Variants in RBMS3 observed in about 807,000 individuals in gnomAD.
The protein encoded by RBMS3 is RNA binding motif single stranded interacting protein 3.
In RBMS3, 27 loss-of-function variants were observed where a neutral mutation model predicts 66.8. That is an observed-to-expected ratio of 0.40 (90% CI 0.30 to 0.56). The LOEUF is 0.56. Among genes scored for constraint, RBMS3 ranks in the 20% least tolerant of loss-of-function variants. The pLI is 0.40. For missense variants in RBMS3, 513 were observed against 549.5 expected (o/e 0.93, Z 0.66); for synonymous variants, 188 against 183.0 (o/e 1.03, Z -0.22).
chr3:29,864,283 C>G (rs1263679300), intron 6 of RBMS3, among the ~76,000 whole-genome samples: 1 of 152,076 alleles, frequency 6.6e-6, no homozygotes, highest in African/African-American at 2.4e-5. Flanking sequence ...AGCAAAGGAA[C>G]AGAGAGCATT....
chr3:29,596,931 A>G (rs185351882), intron 4 of RBMS3, among the ~76,000 whole-genome samples: 1 of 152,308 alleles, frequency 6.6e-6, no homozygotes, highest in East Asian at 1.9e-4. Context: ...TTGCACAGAA[A>G]TAGTCCTTTA....
intron 4 of RBMS3, among the ~76,000 whole-genome samples, chr3:29,709,027 A>G (rs1398720427): frequency 2.0e-5 from 3 of 151,958 alleles, no homozygotes; most frequent in Non-Finnish European, 4.4e-5. Flanking sequence ...ATTAAGGACC[A>G]CTCTAGCTCC....
In RBMS3 at chr3:29,991,167, C is replaced by T. The variant is rs1206869109; in HGVS notation, c.1265C>T (p.Thr422Ile). 1.2e-6 allele frequency: 2 copies of T among 1,614,018 alleles called. No homozygotes were observed. Among genetic ancestry groups the T allele is most frequent in the African/African-American group, 1.3e-5 (1 of 74,912 alleles). Residue 422 changes from threonine (T) to isoleucine (I), a missense_variant, in exon 14 of 15, where the codon ACA becomes ATA. Thr to Ile is a moderately conservative substitution (Grantham distance 89). Transcript: ENST00000383767. The part of the protein sequence containing the change: ...SGQQQQIAVD[T>I]SNEHAPAYSY... ...CAGCAGCAACAGATAGCAGTGGACA[C>T]ATCCAACGAACATGCACCTGCATAT... is the stretch of plus-strand genomic sequence containing the variant.
At chr3:29,383,831 G>T (rs1037159138) in intron 1 of RBMS3, among the ~76,000 whole-genome samples, 2 of 152,122 alleles carry the variant, frequency 1.3e-5, no homozygotes, top group Non-Finnish European at 2.9e-5. Context: ...AGTTTTCAGT[G>T]TCTTTAGCTG....
chr3:29,817,634 A>C (rs986929585), intron 6 of RBMS3, among the ~76,000 whole-genome samples: 4 of 152,142 alleles, frequency 2.6e-5, no homozygotes, highest in African/African-American at 9.7e-5. Flanking sequence ...TGGGAAAGAA[A>C]ATATCAGAAA....
intron 3 of RBMS3, among the ~76,000 whole-genome samples, chr3:29,511,125 G>A (rs924777579): frequency 6.9e-4 from 105 of 151,892 alleles, no homozygotes; most frequent in African/African-American, 2.2e-3. Flanking sequence ...GTGAAACTCT[G>A]CCTCTACTAA....
chr3:29,857,862 C>A (rs2059119826), intron 6 of RBMS3, among the ~76,000 whole-genome samples: 1 of 152,064 alleles, frequency 6.6e-6, no homozygotes, highest in Non-Finnish European at 1.5e-5. Context: ...CATGGGAATG[C>A]ATTATGGAAA....
chr3:30,009,442 T>A lies in RBMS3; in HGVS notation c.*5580T>A, dbSNP rs1295689128. 1 of 152,172 alleles carries A rather than the reference T, an allele frequency of 6.6e-6. No individual in the cohort carries two copies. The highest frequency in any genetic ancestry group is 1.5e-5 in the Non-Finnish European group (1 of 68,004). 9.4% of individuals were successfully genotyped at this position (152,172 alleles called of 1,614,324 possible). On this transcript the variant is annotated 3_prime_UTR_variant, in exon 15 of 15. Coordinates refer to ENST00000383767, the MANE Select transcript of RBMS3 (RefSeq NM_001003793.3). ...ATATGTCATAAATTTTGATTATCTA[T>A]AATGTCTTTTCTTATCTACCACAAA...
chr3:29,734,361 A>C (rs1339994931), intron 4 of RBMS3, among the ~76,000 whole-genome samples: 1 of 152,184 alleles, frequency 6.6e-6, no homozygotes, highest in Admixed American at 6.5e-5. Context: ...AATTAACAAT[A>C]ATTTATTGCA....
chr3:29,497,973 A>ATTTTTTTTTTAT (rs2043819180), intron 3 of RBMS3, among the ~76,000 whole-genome samples: 1 of 43,416 alleles, frequency 2.3e-5, no homozygotes, highest in Non-Finnish European at 4.1e-5. Context: ...AAAAGTATTC[A>ATTTTTTTTTTAT]TTTTTTTTTT....
chr3:29,847,537 A>G (rs1479745862), intron 6 of RBMS3, among the ~76,000 whole-genome samples: 1 of 152,256 alleles, frequency 6.6e-6, no homozygotes, highest in East Asian at 1.9e-4. Context: ...TGAAGTATCA[A>G]TAACTCATTT....
chr3:29,838,464 G>T (rs9853437), intron 6 of RBMS3, among the ~76,000 whole-genome samples: 1 of 151,956 alleles, frequency 6.6e-6, no homozygotes, highest in Non-Finnish European at 1.5e-5. Flanking sequence ...TCAATGTTAT[G>T]TTAATTTCGG....
At position 29,887,549 on chromosome 3, in the gene RBMS3, C is replaced by T. The variant is rs528709546; in HGVS notation, c.791+3341C>T. Among the ~76,000 whole-genome samples the T allele has an allele frequency of 6.5e-4, 98 of 151,868 alleles. 1 individual carries two copies. The highest frequency in any genetic ancestry group is 2.0e-3 in the African/African-American group (82 of 41,500). On this transcript the variant is annotated intron_variant, in intron 8 of 14. Coordinates refer to ENST00000383767, the MANE Select transcript of RBMS3 (RefSeq NM_001003793.3). ...TGCCATGACTGTACATTTCCTGAGGCCTCCCCAACCGTGCTGAACTGTGAG... is the reference window on the plus strand; with the variant it reads ...TGCCATGACTGTACATTTCCTGAGGTCTCCCCAACCGTGCTGAACTGTGAG...
intron 6 of RBMS3, among the ~76,000 whole-genome samples, chr3:29,820,364 C>A (rs1027816402): frequency 1.2e-4 from 18 of 151,348 alleles, no homozygotes; most frequent in Middle Eastern, 3.2e-3. Flanking sequence ...AAAACACAGG[C>A]TTTTTCTATT....
intron 7 of RBMS3, among the ~76,000 whole-genome samples, chr3:29,883,528 T>C (rs2059785708): frequency 1.3e-5 from 2 of 152,018 alleles, no homozygotes; most frequent in African/African-American, 4.8e-5. Context: ...AGAAGTGTAC[T>C]TTTTCAGAGG....
At chr3:29,686,023 T>C (rs774612937) in intron 4 of RBMS3, among the ~76,000 whole-genome samples, 1 of 152,198 alleles carries the variant, frequency 6.6e-6, no homozygotes, top group Non-Finnish European at 1.5e-5. Flanking sequence ...TCTTCATTAC[T>C]GGAGATGGAG....
chr3:29,880,714 G>T, intron 7 of RBMS3: 4 of 1,439,620 alleles, frequency 2.8e-6, no homozygotes, highest in Non-Finnish European at 3.8e-6. Flanking sequence ...ATGCCATGTT[G>T]TTACCCACAA....
intron 5 of RBMS3, among the ~76,000 whole-genome samples, chr3:29,751,909 AG>A (rs2055201138): frequency 6.6e-6 from 1 of 152,162 alleles, no homozygotes; most frequent in African/African-American, 2.4e-5. Flanking sequence ...GGCAGCGCCT[AG>A]GGGTTGCCTA....
At chr3:29,886,921 A>G (rs1388024141) in intron 8 of RBMS3, among the ~76,000 whole-genome samples, 1 of 151,816 alleles carries the variant, frequency 6.6e-6, no homozygotes, top group Non-Finnish European at 1.5e-5. Flanking sequence ...GCATTAAGCA[A>G]GTGGCCATCA....
Sources: gnomAD v4.1 joint callset for allele counts (sites outside exome capture counted in the v4.1 genomes callset) on GRCh38, gnomAD v4.1.1 for gene constraint, MANE v1.5 for transcripts, NCBI Gene and HGNC (gene_info 2026-07-23, HGNC 2026-07-21) for gene names.